DMD: variants seen among roughly 807,000 people sequenced by gnomAD.
DMD encodes the protein dystrophin.
DMD carries 63 observed loss-of-function variants against 330.1 expected under a neutral mutation model. That is an observed-to-expected ratio of 0.19 (90% CI 0.16 to 0.24). The LOEUF (loss-of-function observed/expected upper bound fraction) is 0.24. Among genes scored for constraint, DMD ranks in the 10% least tolerant of loss-of-function variants. The pLI is 1.00. For synonymous variants in DMD, 1,223 were observed against 959.8 expected, an observed-to-expected ratio of 1.27 and a Z score of -5.07; for missense variants, 3,344 against 2,684.1, an observed-to-expected ratio of 1.25 and a Z score of -5.43.
upstream of DMD, among the ~76,000 whole-genome samples, chrX:33,215,057 G>A (rs2052027079): frequency 2.7e-5 from 3 of 111,862 alleles, no homozygotes; most frequent in South Asian, 7.4e-4. Context: ...TGTTCAGGCC[G>A]GGTGTGTTAG....
At chrX:32,674,793 A>G (rs898428275) in intron 9 of DMD, among the ~76,000 whole-genome samples, 6 of 111,305 alleles carry the variant, frequency 5.4e-5, no homozygotes, top group Non-Finnish European at 1.1e-4. Flanking sequence ...TATGGAGGGT[A>G]GGCTTAGATT....
intron 17 of DMD, among the ~76,000 whole-genome samples, chrX:32,542,559 G>A (rs2048584299): frequency 8.9e-6 from 1 of 112,291 alleles, no homozygotes; most frequent in Admixed American, 9.4e-5. Flanking sequence ...CACAGAAGCT[G>A]GAAGAGGACA....
intron 59 of DMD, among the ~76,000 whole-genome samples, chrX:31,465,347 C>T (rs774541327): frequency 9.0e-6 from 1 of 110,501 alleles, no homozygotes; most frequent in South Asian, 4.0e-4. Flanking sequence ...TACTGCTATC[C>T]CTCCCCTAAC....
intron 1 of DMD, among the ~76,000 whole-genome samples, chrX:33,044,743 G>C (rs2147953797): frequency 8.9e-6 from 1 of 111,810 alleles, no homozygotes; most frequent in South Asian, 3.8e-4. Context: ...CAGAGCTGAA[G>C]AGCCGTATTC....
intron 13 of DMD, among the ~76,000 whole-genome samples, chrX:32,580,210 G>A (rs756496074): frequency 9.0e-6 from 1 of 110,785 alleles, no homozygotes; most frequent in East Asian, 2.9e-4. Context: ...TTTATACCTC[G>A]CAGACTCTGA....
chrX:32,839,985 A>G (rs752626137), intron 4 of DMD, among the ~76,000 whole-genome samples: 76 of 111,993 alleles, frequency 6.8e-4, no homozygotes, highest in Non-Finnish European at 1.3e-3. Flanking sequence ...CTGGTATTAC[A>G]GGCATGAGCC....
intron 1 of DMD, among the ~76,000 whole-genome samples, chrX:33,299,000 AACC>A (rs2053623298): frequency 1.8e-5 from 2 of 111,851 alleles, no homozygotes; most frequent in Non-Finnish European, 3.8e-5. Flanking sequence ...TGTATCAGAT[AACC>A]ACAACTTCAC....
At chrX:32,424,883 A>C (rs1211013890) in intron 29 of DMD, among the ~76,000 whole-genome samples, 1 of 111,680 alleles carries the variant, frequency 9.0e-6, no homozygotes, top group Non-Finnish European at 1.9e-5. Context: ...AGTTGGAAGA[A>C]GATACTTCAG....
chrX:32,305,275 G>A (rs1321729607), intron 42 of DMD, among the ~76,000 whole-genome samples: 1 of 111,205 alleles, frequency 9.0e-6, no homozygotes, highest in Non-Finnish European at 1.9e-5. Flanking sequence ...GATTCCAGAG[G>A]AGAAAGATCT....
At chrX:32,140,151 G>A (rs192528676) in intron 44 of DMD, among the ~76,000 whole-genome samples, 1 of 112,001 alleles carries the variant, frequency 8.9e-6, no homozygotes, top group Admixed American at 9.5e-5. Context: ...CAGATTCAAT[G>A]ATATGATTTG....
chrX:31,305,705 T>C (rs2054974001), intron 62 of DMD, among the ~76,000 whole-genome samples: 2 of 112,274 alleles, frequency 1.8e-5, no homozygotes, highest in African/African-American at 6.5e-5. Flanking sequence ...ACTTTCAAAC[T>C]GCATTATAAC....
chrX:31,869,114 T>C (rs2093848003), intron 48 of DMD, among the ~76,000 whole-genome samples: 1 of 111,840 alleles, frequency 8.9e-6, no homozygotes, highest in Non-Finnish European at 1.9e-5. Flanking sequence ...TCGTTAACTA[T>C]AGGCACTATG....
chrX:33,060,467 C>T (rs2094569133), intron 1 of DMD, among the ~76,000 whole-genome samples: 1 of 111,442 alleles, frequency 9.0e-6, no homozygotes. Context: ...AGCAAATAAT[C>T]TTTGTCAGTA....
At chrX:32,188,507 G>C (rs2096957595) in intron 44 of DMD, among the ~76,000 whole-genome samples, 1 of 103,684 alleles carries the variant, frequency 9.6e-6, no homozygotes, top group Non-Finnish European at 2.0e-5. Context: ...AGTCAATTAC[G>C]AGACACTATT....
intron 1 of DMD, among the ~76,000 whole-genome samples, chrX:33,254,116 G>C: frequency 9.1e-6 from 1 of 110,373 alleles, no homozygotes; most frequent in Middle Eastern, 4.7e-3. Context: ...GAATATCTGA[G>C]AATATGTTCC....
intron 44 of DMD, among the ~76,000 whole-genome samples, chrX:32,008,235 G>T (rs750737058): frequency 3.6e-5 from 4 of 111,247 alleles, no homozygotes; most frequent in Non-Finnish European, 7.5e-5. Flanking sequence ...GTTGAGGCTA[G>T]GTGGAAAGAG....
chrX:32,595,868 T>C lies in DMD; in HGVS notation c.1491A>G (p.Gln497=), dbSNP rs2149265146. 1.7e-6 allele frequency: 2 copies of C among 1,192,323 alleles called. No homozygotes were observed. Among genetic ancestry groups the C allele is most frequent in the South Asian group, 1.8e-5 (1 of 56,519 alleles). Residue 497 remains glutamine (Q), a synonymous_variant, in exon 13 of 79, where the codon CAA becomes CAG. Transcript: ENST00000357033. ...TGACTTGTTCTTGTTCTAGATCTTCTTGAAGCACCTGAAAGATAAAATGTT... is the reference window on the plus strand; with the variant it reads ...TGACTTGTTCTTGTTCTAGATCTTCCTGAAGCACCTGAAAGATAAAATGTT... The part of the protein sequence containing the change: ...KRQVQQHKVL[Q]EDLEQEQVRV...
chrX:32,303,780 G>A (rs1045585773), intron 42 of DMD, among the ~76,000 whole-genome samples: 2 of 110,170 alleles, frequency 1.8e-5, no homozygotes, highest in East Asian at 5.8e-4. Context: ...TCACTCTCTG[G>A]AATTTGTCTT....
rs779812236 is a variant in DMD at position 31,507,261 on chromosome X, T to G, written c.8390+20A>C. 3.1e-5 allele frequency: 37 copies of G among 1,209,483 alleles called. No individual in the cohort carries two copies. Among genetic ancestry groups the G allele is most frequent in the Middle Eastern group, 4.6e-4 (2 of 4,370 alleles). On this transcript the variant is annotated intron_variant, in intron 56 of 78. Coordinates refer to ENST00000357033, the MANE Select transcript of DMD (RefSeq NM_004006.3). ...CATTTTAATTCATTTGTGGCCTTTT[T>G]GCTCCACATCTTTTCCTACCTAATG...
Sources: allele counts gnomAD v4.1 joint callset (sites outside exome capture counted in the v4.1 genomes callset), GRCh38; gene constraint gnomAD v4.1.1; transcripts MANE v1.5; gene names NCBI Gene and HGNC (gene_info 2026-07-23, HGNC 2026-07-21).